Variants in SPSB1 observed in about 807,000 individuals in gnomAD.
The protein encoded by SPSB1 is SPRY domain-containing SOCS box protein 1.
In SPSB1, 8 loss-of-function variants were observed where a neutral mutation model predicts 21.2. The observed-to-expected ratio is 0.38, with a 90% CI of 0.22 to 0.68. SPSB1 has a LOEUF of 0.68. Among genes scored for constraint, SPSB1 ranks in the 30% least tolerant of loss-of-function variants. SPSB1 has a pLI of 0.53. For synonymous variants in SPSB1, 169 were observed against 161.7 expected, an observed-to-expected ratio of 1.05 and a Z score of -0.34; for missense variants, 242 against 377.8, an observed-to-expected ratio of 0.64 and a Z score of 2.98.
At chr1:9,322,665 G>T (rs1639739182) in intron 1 of SPSB1, among the ~76,000 whole-genome samples, 1 of 152,150 alleles carries the variant, frequency 6.6e-6, no homozygotes. Context: ...TTCTGGGGAG[G>T]CCAGGACCAC....
At chr1:9,306,766 G>A (rs1454117239) in intron 1 of SPSB1, among the ~76,000 whole-genome samples, 1 of 152,128 alleles carries the variant, frequency 6.6e-6, no homozygotes, top group Non-Finnish European at 1.5e-5. Context: ...TAGGCTGCAG[G>A]GGGCTGATGA....
chr1:9,365,964 C>T (rs1208255835), intron 2 of SPSB1, among the ~76,000 whole-genome samples: 1 of 152,208 alleles, frequency 6.6e-6, no homozygotes, highest in East Asian at 1.9e-4. Flanking sequence ...TCTGGCGAAG[C>T]GGGCGAGCAG....
intron 1 of SPSB1, among the ~76,000 whole-genome samples, chr1:9,344,736 A>T (rs1410186235): frequency 6.6e-6 from 1 of 151,988 alleles, no homozygotes; most frequent in East Asian, 1.9e-4. Flanking sequence ...GGATGAGTGG[A>T]TGCCCGGCCC....
At chr1:9,352,907 C>T (rs566902991) in intron 1 of SPSB1, among the ~76,000 whole-genome samples, 65 of 147,400 alleles carry the variant, frequency 4.4e-4, no homozygotes, top group Non-Finnish European at 7.3e-4. Context: ...TCTTCCATGA[C>T]AGACGAGATC....
At chr1:9,320,893 G>C (rs959792022) in intron 1 of SPSB1, among the ~76,000 whole-genome samples, 1 of 151,792 alleles carries the variant, frequency 6.6e-6, no homozygotes, top group Admixed American at 6.5e-5. Flanking sequence ...GCCACGAAAG[G>C]CTGGCCTGAT....
Position 9,293,444 on chromosome 1 carries a change from T to TC in SPSB1, c.-150+379dup, listed in dbSNP as rs1639153915. ...GGGGCGCTCCGGGGCCGCCGACCCG[T>TC]CCCCCCTTTAGCCCGGGGAAAGCGG... On this transcript the variant is annotated intron_variant, in intron 1 of 2. Coordinates refer to ENST00000328089, the MANE Select transcript of SPSB1 (RefSeq NM_025106.4). The surrounding 1 kb of genome is among the most constrained non-coding windows in gnomAD (Gnocchi z 5.1). Among the ~76,000 whole-genome samples the TC allele has an allele frequency of 6.6e-6, 1 of 150,818 alleles. No individual in the cohort carries two copies. The highest frequency in any genetic ancestry group is 2.4e-5 in the African/African-American group (1 of 41,022).
At position 9,321,503 on chromosome 1, in the gene SPSB1, C is replaced by T. The variant is rs1453919065; in HGVS notation, c.-150+28432C>T. ...GCAGTTCTGTTCTCCAGACCTTTAC[C>T]GAACACTTACTGCGTGCCAAGGATT... On this transcript the variant is annotated intron_variant, in intron 1 of 2. Transcript: ENST00000328089. The surrounding 1 kb of genome is among the most constrained non-coding windows in gnomAD (Gnocchi z 4.8). 4.6e-5 allele frequency among the ~76,000 whole-genome samples: 7 copies of T among 152,134 alleles called. No homozygotes were observed. The highest frequency in any genetic ancestry group is 1.0e-4 in the Non-Finnish European group (7 of 68,032).
intron 1 of SPSB1, among the ~76,000 whole-genome samples, chr1:9,338,147 C>T (rs1289256843): frequency 6.6e-6 from 1 of 152,184 alleles, no homozygotes; most frequent in Non-Finnish European, 1.5e-5. Context: ...CCTCGCTCCT[C>T]CCCCCAGACC....
rs1190940478 is a variant in SPSB1, at chr1:9,321,202, G to T, written c.-150+28131G>T. Among the ~76,000 whole-genome samples the T allele has an allele frequency of 1.3e-5, 2 of 151,844 alleles. No individual in the cohort carries two copies. The highest frequency in any genetic ancestry group is 4.8e-5 in the African/African-American group (2 of 41,286). On this transcript the variant is annotated intron_variant, in intron 1 of 2. Transcript: ENST00000328089. The surrounding 1 kb of genome is among the most constrained non-coding windows in gnomAD (Gnocchi z 4.8). ...AACCTTCTTAGTTTAGTCTGCAGAG[G>T]CGTCTCAGGCGGTGGGCCTTAAACA...
intron 1 of SPSB1, among the ~76,000 whole-genome samples, chr1:9,325,041 T>G (rs749332071): frequency 5.3e-5 from 8 of 152,214 alleles, no homozygotes; most frequent in South Asian, 2.1e-4. Context: ...GCCTCCTGAA[T>G]GGGCAGCCGG....
At chr1:9,330,451 G>A (rs951672843) in intron 1 of SPSB1, among the ~76,000 whole-genome samples, 4 of 146,778 alleles carry the variant, frequency 2.7e-5, no homozygotes, top group African/African-American at 1.0e-4. Flanking sequence ...GGCGACAGGA[G>A]CTAAATTCTG....
chr1:9,294,473 C>CA (rs1315388480), intron 1 of SPSB1: 1 of 152,326 alleles, frequency 6.6e-6, no homozygotes, highest in Non-Finnish European at 1.5e-5. Context: ...TGCTGGGCCA[C>CA]AGACACCCCA....
chr1:9,309,988 G>C (rs1465785436), intron 1 of SPSB1, among the ~76,000 whole-genome samples: 1 of 152,170 alleles, frequency 6.6e-6, no homozygotes, highest in African/African-American at 2.4e-5. Flanking sequence ...GTTTGGCTGT[G>C]GGTCTGCCCG....
intron 1 of SPSB1, among the ~76,000 whole-genome samples, chr1:9,308,165 G>C (rs891323259): frequency 2.1e-4 from 32 of 152,308 alleles, no homozygotes; most frequent in Admixed American, 9.2e-4. Context: ...GCCCAAAGGG[G>C]GTGGACTGCC....
intron 1 of SPSB1, among the ~76,000 whole-genome samples, chr1:9,319,915 A>ATAGATATGGT (rs1639687636): frequency 6.6e-6 from 1 of 151,636 alleles, no homozygotes; most frequent in South Asian, 2.1e-4. Flanking sequence ...CTAGCCCCAG[A>ATAGATATGGT]CCTCCTGGGA....
chr1:9,332,475 G>A (rs1191190986), intron 1 of SPSB1, among the ~76,000 whole-genome samples: 1 of 152,212 alleles, frequency 6.6e-6, no homozygotes, highest in East Asian at 1.9e-4. Flanking sequence ...GGGGCCATTT[G>A]AGTCTACAAG....
intron 1 of SPSB1, among the ~76,000 whole-genome samples, chr1:9,314,744 G>A (rs548634292): frequency 2.2e-4 from 34 of 152,300 alleles, no homozygotes; most frequent in African/African-American, 7.2e-4. Context: ...ACTTCCTGTG[G>A]CCATTTCTAG....
intron 1 of SPSB1, among the ~76,000 whole-genome samples, chr1:9,322,846 C>T (rs1639742803): frequency 6.6e-6 from 1 of 151,902 alleles, no homozygotes; most frequent in South Asian, 2.1e-4. Context: ...CGTTAGGTCA[C>T]CAGGCACCTC....
chr1:9,357,137 A>ATGGATGGATGGG (rs1173940705), intron 2 of SPSB1, among the ~76,000 whole-genome samples: 3 of 90,216 alleles, frequency 3.3e-5, no homozygotes, highest in Admixed American at 1.2e-4. Flanking sequence ...GGATGAGTGG[A>ATGGATGGATGGG]TGGATGGATG....
Sources: allele counts gnomAD v4.1 joint callset (sites outside exome capture counted in the v4.1 genomes callset), GRCh38; gene constraint gnomAD v4.1.1; non-coding constraint Gnocchi (gnomAD v3.1); transcripts MANE v1.5; gene names NCBI Gene and HGNC (gene_info 2026-07-23, HGNC 2026-07-21).